The following TMEM45A variants were observed in gnomAD, a reference collection of about 807,000 sequenced individuals.
The protein encoded by TMEM45A is DNA polymerase-transactivated protein 4.
In TMEM45A, 25 loss-of-function variants were observed where a neutral mutation model predicts 32.0. The ratio of observed to expected loss-of-function variants is 0.78; its 90% CI spans 0.57 to 1.09. The LOEUF is 1.09. Ranked by LOEUF, TMEM45A falls within the 50% of genes least tolerant of loss-of-function variation. TMEM45A has a pLI of 0.00. For synonymous variants in TMEM45A, 122 were observed against 114.8 expected, an observed-to-expected ratio of 1.06 and a Z score of -0.40; for missense variants, 302 against 325.0, an observed-to-expected ratio of 0.93 and a Z score of 0.54.
chr3:100,577,018 A>T lies in TMEM45A; in HGVS notation c.828A>T (p.Ter276CysextTer2). The T allele has an allele frequency of 6.2e-7, 1 of 1,610,400 alleles. No individual in the cohort carries two copies. Among genetic ancestry groups the T allele is most frequent in the Middle Eastern group, 1.7e-4 (1 of 6,056 alleles). The part of the protein sequence containing the change: ...EREQESEEEM[*>C] ...AACAAGAATCAGAAGAAGAAATGTG[A>T]CTTTGATGAGCTTCCAGTTTTTCTA... The change falls in exon 6 of 6, where the codon TGA (stop) becomes TGT (cysteine). Residue 276 changes from the stop codon to cysteine (C), a stop_lost. Coordinates refer to ENST00000323523, the MANE Select transcript of TMEM45A (RefSeq NM_018004.3).
chr3:100,511,089 C>T (rs1708152723), intron 1 of TMEM45A, among the ~76,000 whole-genome samples: 1 of 152,124 alleles, frequency 6.6e-6, no homozygotes, highest in Admixed American at 6.5e-5. Context: ...TCTAGCAAGG[C>T]AGGCCAACAT....
At chr3:100,514,602 C>A (rs1708228638) in intron 1 of TMEM45A, among the ~76,000 whole-genome samples, 1 of 151,996 alleles carries the variant, frequency 6.6e-6, no homozygotes, top group Non-Finnish European at 1.5e-5. Context: ...AAAGCAATGG[C>A]AACAAAAGCC....
intron 1 of TMEM45A, among the ~76,000 whole-genome samples, chr3:100,494,584 T>A (rs1264952770): frequency 2.0e-5 from 3 of 151,746 alleles, no homozygotes; most frequent in African/African-American, 4.8e-5. Context: ...ATCACGCCAC[T>A]GCACTCCAGC....
intron 1 of TMEM45A, among the ~76,000 whole-genome samples, chr3:100,515,197 A>G (rs1451598093): frequency 1.3e-5 from 2 of 152,118 alleles, no homozygotes; most frequent in African/African-American, 4.8e-5. Context: ...TTGTGTCATT[A>G]TTCTCCAATA....
At chr3:100,498,279 C>T (rs1477600595) in intron 1 of TMEM45A, among the ~76,000 whole-genome samples, 1 of 152,144 alleles carries the variant, frequency 6.6e-6, no homozygotes, top group Admixed American at 6.5e-5. Flanking sequence ...TTGGGTATTT[C>T]TTCATAGCAG....
At chr3:100,504,439 C>T (rs1035729344) in intron 1 of TMEM45A, among the ~76,000 whole-genome samples, 3 of 152,134 alleles carry the variant, frequency 2.0e-5, no homozygotes, top group African/African-American at 7.2e-5. Context: ...ATTCTTTCCC[C>T]GTATAACCTA....
intron 1 of TMEM45A, among the ~76,000 whole-genome samples, chr3:100,503,763 T>C (rs1293734584): frequency 6.6e-6 from 1 of 152,220 alleles, no homozygotes; most frequent in Non-Finnish European, 1.5e-5. Context: ...CTTCTTGTTT[T>C]ACCCTCATGG....
At chr3:100,519,642 T>C in intron 1 of TMEM45A, 1 of 1,548,078 alleles carries the variant, frequency 6.5e-7, no homozygotes, top group South Asian at 1.2e-5. Flanking sequence ...ACCTTTGGTG[T>C]GATAATGTGA....
At chr3:100,508,560 T>C (rs1708110627) in intron 1 of TMEM45A, among the ~76,000 whole-genome samples, 1 of 152,152 alleles carries the variant, frequency 6.6e-6, no homozygotes, top group African/African-American at 2.4e-5. Context: ...CTTCAAAATA[T>C]ACCACAGACC....
chr3:100,519,924 C>T (rs1350002409), intron 1 of TMEM45A, among the ~76,000 whole-genome samples: 1 of 152,170 alleles, frequency 6.6e-6, no homozygotes, highest in Non-Finnish European at 1.5e-5. Flanking sequence ...CTTCAGGAAT[C>T]TGGCAGCTGA....
In TMEM45A at chr3:100,564,316, A is replaced by G. The variant is rs141228819; in HGVS notation, c.589-4506A>G. Among the ~76,000 whole-genome samples, 244 of 152,290 alleles carry G rather than the reference A, an allele frequency of 1.6e-3. 1 individual carries two copies. The highest frequency in any genetic ancestry group is 5.2e-3 in the African/African-American group (216 of 41,560). ...AGGAAGGTAAACTGAATGATGAATC[A>G]ATGGAGACTGCATGCTTCCACTCAT... On this transcript the variant is annotated intron_variant, in intron 4 of 5. Transcript: ENST00000323523.
intron 1 of TMEM45A, among the ~76,000 whole-genome samples, chr3:100,534,115 T>C (rs1343381899): frequency 1.3e-5 from 2 of 152,204 alleles, no homozygotes; most frequent in Non-Finnish European, 2.9e-5. Context: ...TTTATTCCTG[T>C]TCTCTTCTTC....
intron 1 of TMEM45A, among the ~76,000 whole-genome samples, chr3:100,537,140 C>G (rs777196480): frequency 4.1e-4 from 63 of 152,074 alleles, no homozygotes; most frequent in Non-Finnish European, 6.9e-4. Flanking sequence ...CTAGGTTGGT[C>G]TCAAACTCCT....
At chr3:100,529,387 G>T (rs1008986413) in intron 1 of TMEM45A, among the ~76,000 whole-genome samples, 1 of 152,124 alleles carries the variant, frequency 6.6e-6, no homozygotes, top group Admixed American at 6.6e-5. Context: ...TAAATAAGCA[G>T]CTCCTGGGTA....
At chr3:100,531,883 G>A (rs1705654751) in intron 1 of TMEM45A, among the ~76,000 whole-genome samples, 1 of 152,140 alleles carries the variant, frequency 6.6e-6, no homozygotes, top group Non-Finnish European at 1.5e-5. Flanking sequence ...TTTTTGCTGG[G>A]TTTGTAGTTT....
chr3:100,549,771 A>G (rs1261713922), intron 1 of TMEM45A, among the ~76,000 whole-genome samples: 1 of 151,858 alleles, frequency 6.6e-6, no homozygotes, highest in East Asian at 1.9e-4. Flanking sequence ...TCCTGTGTCC[A>G]TGTGATCTCA....
intron 1 of TMEM45A, among the ~76,000 whole-genome samples, chr3:100,550,195 T>A (rs1328493137): frequency 6.0e-4 from 80 of 133,316 alleles, no homozygotes; most frequent in Non-Finnish European, 8.2e-4. Context: ...TAAAGCATAA[T>A]AAAAAAAAAA....
intron 1 of TMEM45A, among the ~76,000 whole-genome samples, chr3:100,493,928 C>CA (rs1337589546): frequency 6.6e-6 from 1 of 152,098 alleles, no homozygotes; most frequent in Admixed American, 6.6e-5. Flanking sequence ...GACGGGGTTT[C>CA]GCCATGTTGG....
intron 1 of TMEM45A, among the ~76,000 whole-genome samples, chr3:100,539,456 T>TATATGCATATGCATATGC (rs1553682675): frequency 0.018 from 1,520 of 84,438 alleles, 85 homozygotes; most frequent in Middle Eastern, 0.033. Flanking sequence ...TATGTATATG[T>TATATGCATATGCATATGC]ATATGTATAT....
Sources: gnomAD v4.1 joint callset for allele counts (sites outside exome capture counted in the v4.1 genomes callset) on GRCh38, gnomAD v4.1.1 for gene constraint, MANE v1.5 for transcripts, NCBI Gene and HGNC (gene_info 2026-07-23, HGNC 2026-07-21) for gene names.